The following PEAK1 variants were observed in gnomAD, a reference collection of about 807,000 sequenced individuals.
The protein encoded by PEAK1 is inactive tyrosine-protein kinase PEAK1.
A neutral mutation model predicts 124.7 loss-of-function variants in PEAK1; 54 were observed. That is an observed-to-expected ratio of 0.43 (90% CI 0.35 to 0.54). The LOEUF (loss-of-function observed/expected upper bound fraction) is 0.54. Among genes scored for constraint, PEAK1 ranks in the 20% least tolerant of loss-of-function variants. The probability of loss-of-function intolerance (pLI) is 0.01; values close to 1 mark genes in which losing one functional copy is unlikely to be tolerated. For synonymous variants in PEAK1, 719 were observed against 760.0 expected (o/e 0.95, Z 0.89); for missense variants, 2,046 against 2,134.5 (o/e 0.96, Z 0.82).
intron 5 of PEAK1, among the ~76,000 whole-genome samples, chr15:77,272,121 T>C (rs1346019920): frequency 6.6e-6 from 1 of 152,116 alleles, no homozygotes; most frequent in Non-Finnish European, 1.5e-5. Context: ...AAGGCAGTGC[T>C]AACAGGAAAT....
intron 1 of PEAK1, among the ~76,000 whole-genome samples, chr15:77,407,888 TATATATATATATACAC>T (rs1366877340): frequency 2.5e-4 from 37 of 148,580 alleles, no homozygotes; most frequent in African/African-American, 8.9e-4. Context: ...GCATGATATA[TATATATATATATACAC>T]ATATATATAC....
At chr15:77,146,836 AT>A (rs1211368244) in intron 8 of PEAK1, among the ~76,000 whole-genome samples, 7 of 152,100 alleles carry the variant, frequency 4.6e-5, no homozygotes, top group Non-Finnish European at 7.4e-5. Flanking sequence ...CCTCAGCATA[AT>A]TTTTTTTAAA....
chr15:77,278,649 C>T, intron 5 of PEAK1: 1 of 521,658 alleles, frequency 1.9e-6, no homozygotes, highest in Non-Finnish European at 3.8e-6. Context: ...AAAGCTGACA[C>T]TGGCAAGGAG....
At position 77,112,660 on chromosome 15, in the gene PEAK1, TACACAC is replaced by T. The variant is rs10539940; in HGVS notation, c.*1490_*1495del. On this transcript the variant is annotated 3_prime_UTR_variant, in exon 10 of 10. Coordinates refer to ENST00000682557, the MANE Select transcript of PEAK1 (RefSeq NM_001385026.1). Reference sequence around the variant, plus strand: ...AAGCACAGGTGAACATGTGTATACATACACACACACACACACACACACACACACACA... The same window carrying T: ...AAGCACAGGTGAACATGTGTATACATACACACACACACACACACACACACA... 0.23 allele frequency: 33,444 copies of T among 145,214 alleles called. 3,680 individuals are homozygous for T. Among genetic ancestry groups the T allele is most frequent in the Non-Finnish European group, 0.24 (16,178 of 66,100 alleles). 9.0% of individuals were successfully genotyped at this position (145,214 alleles called of 1,614,324 possible). A position where few individuals can be genotyped will look rare whatever the true frequency, so the allele number is the denominator to read the frequency against.
intron 6 of PEAK1, among the ~76,000 whole-genome samples, chr15:77,223,308 T>TTCAC (rs761518533): frequency 4.1e-4 from 62 of 152,030 alleles, no homozygotes; most frequent in Admixed American, 1.1e-3. Flanking sequence ...ATTTGCACCT[T>TTCAC]TCACTCACTC....
At chr15:77,190,678 T>C (rs1347864199) in intron 6 of PEAK1, among the ~76,000 whole-genome samples, 4 of 152,306 alleles carry the variant, frequency 2.6e-5, no homozygotes, top group Admixed American at 2.0e-4. Context: ...GCTCACTTAA[T>C]ATGTAGATGA....
At chr15:77,343,415 T>A (rs2066663721) in intron 2 of PEAK1, among the ~76,000 whole-genome samples, 1 of 152,108 alleles carries the variant, frequency 6.6e-6, no homozygotes, top group South Asian at 2.1e-4. Flanking sequence ...TCATAGGTTG[T>A]CTTTTCACTC....
chr15:77,359,681 T>A (rs988158770), intron 2 of PEAK1, among the ~76,000 whole-genome samples: 1 of 152,012 alleles, frequency 6.6e-6, no homozygotes, highest in African/African-American at 2.4e-5. Context: ...AGAAAAAAAA[T>A]TTCACTTAGA....
chr15:77,219,674 G>A (rs1460806438), intron 6 of PEAK1, among the ~76,000 whole-genome samples: 3 of 152,024 alleles, frequency 2.0e-5, no homozygotes, highest in Non-Finnish European at 2.9e-5. Flanking sequence ...CCAAAGGGTC[G>A]GGCCTGTGAA....
chr15:77,140,324 A>T (rs1285973470), intron 8 of PEAK1, among the ~76,000 whole-genome samples: 2 of 151,920 alleles, frequency 1.3e-5, no homozygotes. Context: ...TTATGAATAC[A>T]GATGTGAAAA....
At chr15:77,352,092 T>C (rs1414720844) in intron 2 of PEAK1, 3 of 818,224 alleles carry the variant, frequency 3.7e-6, no homozygotes, top group Non-Finnish European at 4.4e-6. Flanking sequence ...TGGTGATACA[T>C]GCCTGTGGTT....
Position 77,248,799 on chromosome 15 carries a change from A to ATATTTTATTT in PEAK1, c.-115+3558_-115+3567dup, listed in dbSNP as rs138299271. 7.0e-3 allele frequency among the ~76,000 whole-genome samples: 1,065 copies of ATATTTTATTT among 151,596 alleles called. 15 individuals are homozygous for ATATTTTATTT. The highest frequency in any genetic ancestry group is 0.024 in the African/African-American group (1,012 of 41,376). On this transcript the variant is annotated intron_variant, in intron 6 of 9. Transcript: ENST00000682557. ...GCACTCAGTACACATTATTACTACTATATTTTATTTTATTTTATTTTATTT... is the reference window on the plus strand; with the variant it reads ...GCACTCAGTACACATTATTACTACTATATTTTATTTTATTTTATTTTATTTTATTTTATTT...
rs186725100 is a variant in PEAK1, at chr15:77,385,623, T to C, written c.-665-20398A>G. ...CGAGACCCCTATAAGGAAGGCTATCTGGGGACTGGGTGCCAAGGCTGCCTC... is the reference window on the plus strand; with the variant it reads ...CGAGACCCCTATAAGGAAGGCTATCCGGGGACTGGGTGCCAAGGCTGCCTC... On this transcript the variant is annotated intron_variant, in intron 1 of 9. Coordinates refer to ENST00000682557, the MANE Select transcript of PEAK1 (RefSeq NM_001385026.1). 2.2e-4 allele frequency among the ~76,000 whole-genome samples: 33 copies of C among 152,290 alleles called. No homozygotes were observed. The East Asian group carries it at 6.2e-3, about 28-fold the overall frequency.
intron 1 of PEAK1, among the ~76,000 whole-genome samples, chr15:77,372,107 A>G (rs1709825389): frequency 6.6e-6 from 1 of 152,236 alleles, no homozygotes; most frequent in South Asian, 2.1e-4. Flanking sequence ...ACTTATTTCA[A>G]GAGTTCTCTG....
rs536228340 is a variant in PEAK1, at chr15:77,171,438, C to A, written c.3137+7352G>T. 6.3e-4 allele frequency among the ~76,000 whole-genome samples: 95 copies of A among 151,478 alleles called. 2 individuals are homozygous for A. Among genetic ancestry groups the A allele is most frequent in the South Asian group, 2.1e-3 (10 of 4,796 alleles). Reference sequence around the variant, plus strand: ...AATGCCAGGAACAAATGTTAAACACCACATGTTCTCACTCATATGTGGAAG... The same window carrying A: ...AATGCCAGGAACAAATGTTAAACACAACATGTTCTCACTCATATGTGGAAG... On this transcript the variant is annotated intron_variant, in intron 7 of 9. Transcript: ENST00000682557.
chr15:77,414,925 C>T (rs181712895), intron 1 of PEAK1, among the ~76,000 whole-genome samples: 5 of 152,306 alleles, frequency 3.3e-5, no homozygotes, highest in Admixed American at 2.6e-4. Context: ...AGCTACAATA[C>T]TCAATATCAT....
At chr15:77,300,120 C>T (rs1006392967) in intron 2 of PEAK1, among the ~76,000 whole-genome samples, 1 of 152,196 alleles carries the variant, frequency 6.6e-6, no homozygotes, top group Admixed American at 6.5e-5. Flanking sequence ...CCAAGAAACC[C>T]TAGCACCTAC....
chr15:77,207,364 C>A (rs938586320), intron 6 of PEAK1, among the ~76,000 whole-genome samples: 1 of 152,096 alleles, frequency 6.6e-6, no homozygotes, highest in African/African-American at 2.4e-5. Flanking sequence ...ACACAACCAA[C>A]AAAATCTCAA....
chr15:77,357,640 T>G (rs2067606002), intron 2 of PEAK1, among the ~76,000 whole-genome samples: 1 of 152,198 alleles, frequency 6.6e-6, no homozygotes, highest in Admixed American at 6.5e-5. Context: ...CCATATATAT[T>G]GATGCATATG....
Sources: gnomAD v4.1 joint callset for allele counts (sites outside exome capture counted in the v4.1 genomes callset) on GRCh38, gnomAD v4.1.1 for gene constraint, MANE v1.5 for transcripts, NCBI Gene and HGNC (gene_info 2026-07-23, HGNC 2026-07-21) for gene names.